Variants in MCF2L observed in about 807,000 individuals in gnomAD.
MCF2L encodes the protein guanine nucleotide exchange factor DBS.
MCF2L carries 97 observed loss-of-function variants against 153.4 expected under a neutral mutation model. The observed-to-expected ratio is 0.63, with a 90% CI of 0.54 to 0.75. MCF2L has a LOEUF of 0.75. Ranked by LOEUF, MCF2L falls within the 30% of genes least tolerant of loss-of-function variation. MCF2L has a pLI of 0.00. For synonymous variants in MCF2L, 659 were observed against 632.2 expected, an observed-to-expected ratio of 1.04 and a Z score of -0.64; for missense variants, 1,347 against 1,495.2, an observed-to-expected ratio of 0.90 and a Z score of 1.64.
chr13:113,065,096 G>C lies in MCF2L; in HGVS notation c.756+11G>C. On this transcript the variant is annotated intron_variant, in intron 7 of 29. Coordinates refer to ENST00000535094, the MANE Select transcript of MCF2L (RefSeq NM_001112732.3). The stretch of plus-strand genomic sequence containing the variant: ...AAGGACAAGGCGAAGGTACATGGGG[G>C]GTGCTCCGGCTGGAAGCTGTGGGGG... 6.2e-7 allele frequency: 1 copy of C among 1,607,366 alleles called. No homozygotes were observed. Among genetic ancestry groups the C allele is most frequent in the African/African-American group, 1.3e-5 (1 of 74,208 alleles).
At position 112,926,014 on chromosome 13, in the gene MCF2L, A is replaced by G. The variant is rs565473638; in HGVS notation, c.169+23643A>G. On this transcript the variant is annotated intron_variant, in intron 2 of 29. Transcript: ENST00000375608. ...TCCCTATAGAAAAAAAAATCTAGAG[A>G]TATCAACCAGTAGTTCACAGAAAAA... 3.9e-5 allele frequency among the ~76,000 whole-genome samples: 6 copies of G among 152,374 alleles called. No homozygotes were observed. In the South Asian group the frequency reaches 1.2e-3, roughly 32 times the overall value.
chr13:112,919,223 TGAGACGGAGTC>T (rs2081328258), intron 2 of MCF2L, among the ~76,000 whole-genome samples: 1 of 149,604 alleles, frequency 6.7e-6, no homozygotes, highest in African/African-American at 2.5e-5. Flanking sequence ...TTTTTTTTTT[TGAGACGGAGTC>T]TTGCTCTGTC....
intron 3 of MCF2L, among the ~76,000 whole-genome samples, chr13:113,034,545 C>G (rs2086012937): frequency 6.6e-6 from 1 of 151,898 alleles, no homozygotes; most frequent in South Asian, 2.1e-4. Context: ...TCACCCTCAC[C>G]CTCGCCCTGG....
At position 113,027,732 on chromosome 13, in the gene MCF2L, G is replaced by A. The variant is rs1048345918; in HGVS notation, c.278+2974G>A. On this transcript the variant is annotated intron_variant, in intron 3 of 29. Coordinates refer to ENST00000535094, the MANE Select transcript of MCF2L (RefSeq NM_001112732.3). The surrounding 1 kb of genome is among the most constrained non-coding windows in gnomAD (Gnocchi z 4.8). The stretch of plus-strand genomic sequence containing the variant: ...TTCCTCCCTGGTTCTCAGCCACACT[G>A]TGGCAGGAAGGCAGTTATTAAGCCC... Among the ~76,000 whole-genome samples, 5 of 152,232 alleles carry A rather than the reference G, an allele frequency of 3.3e-5. No homozygotes were observed. Among genetic ancestry groups the A allele is most frequent in the Non-Finnish European group, 7.3e-5 (5 of 68,050 alleles).
upstream of MCF2L, chr13:112,968,014 G>A (rs2081922698): frequency 9.9e-6 from 2 of 202,036 alleles, no homozygotes; most frequent in South Asian, 7.2e-5. Context: ...CATGTTATTG[G>A]CATGAGCTGT....
At position 113,096,230 on chromosome 13, in the gene MCF2L, G is replaced by A; in HGVS notation, c.3076-141G>A. 5 of 668,626 alleles carry A rather than the reference G, an allele frequency of 7.5e-6. No homozygotes were observed. In the East Asian group the frequency reaches 1.1e-4, roughly 15 times the overall value. 41.4% of individuals were successfully genotyped at this position (668,626 alleles called of 1,614,324 possible). On this transcript the variant is annotated intron_variant, in intron 27 of 29. Transcript: ENST00000535094. ...TGCGGCGTAGCCTCCTCCCAAGGCT[G>A]GAGCCCTTCCCCGGAGCTGGTCGTG...
rs373256141 is a variant in MCF2L at position 112,958,609 on chromosome 13, C to G, written c.170-56154C>G. On this transcript the variant is annotated intron_variant, in intron 2 of 29. Transcript: ENST00000375608. Reference sequence around the variant, plus strand: ...TCACCTTCCTCATTTCCCTGAAATGCATCATTCCTTCCTGGCCACCTGCCT... The same window carrying G: ...TCACCTTCCTCATTTCCCTGAAATGGATCATTCCTTCCTGGCCACCTGCCT... 5.9e-5 allele frequency among the ~76,000 whole-genome samples: 9 copies of G among 152,344 alleles called. 1 individual carries two copies. In the South Asian group the frequency reaches 1.9e-3, roughly 32 times the overall value.
At chr13:113,080,293 CCA>C (rs2033995695) in intron 15 of MCF2L, among the ~76,000 whole-genome samples, 33 of 152,058 alleles carry the variant, frequency 2.2e-4, no homozygotes, top group Admixed American at 2.2e-3. Context: ...AGAGGAGTGT[CCA>C]TACGGAGGAG....
chr13:112,995,096 C>T (rs2083069251), intron 1 of MCF2L, among the ~76,000 whole-genome samples: 1 of 152,236 alleles, frequency 6.6e-6, no homozygotes, highest in Non-Finnish European at 1.5e-5. Context: ...GTGTCTGCCC[C>T]TCCCGTGTTC....
At chr13:112,947,018 T>C (rs1160510538) in intron 2 of MCF2L, among the ~76,000 whole-genome samples, 7 of 152,172 alleles carry the variant, frequency 4.6e-5, no homozygotes, top group Non-Finnish European at 8.8e-5. Context: ...GTGGTGTGTT[T>C]GTGCTCCTAT....
chr13:112,967,197 G>A (rs1358028080), upstream of MCF2L, among the ~76,000 whole-genome samples: 1 of 145,570 alleles, frequency 6.9e-6, no homozygotes, highest in Non-Finnish European at 1.5e-5. Flanking sequence ...GGCGGTGGGG[G>A]ATGGGGAGTG....
chr13:112,927,486 A>G (rs1233901693), intron 2 of MCF2L, among the ~76,000 whole-genome samples: 1 of 152,146 alleles, frequency 6.6e-6, no homozygotes, highest in Non-Finnish European at 1.5e-5. Flanking sequence ...GGGTCTGGGG[A>G]AAAATGTTTC....
chr13:112,962,097 A>G (rs994641107), intron 2 of MCF2L, among the ~76,000 whole-genome samples: 6 of 21,814 alleles, frequency 2.8e-4, no homozygotes, highest in East Asian at 2.2e-3. Context: ...CCAGGCATGC[A>G]CACACACGCA....
At chr13:113,040,035 A>G (rs1028141555) in intron 3 of MCF2L, among the ~76,000 whole-genome samples, 18 of 152,246 alleles carry the variant, frequency 1.2e-4, no homozygotes, top group East Asian at 5.8e-4. Context: ...TTCATCATAT[A>G]TGTATACCAT....
intron 2 of MCF2L, among the ~76,000 whole-genome samples, chr13:112,934,818 T>A (rs1278633815): frequency 3.3e-5 from 5 of 152,050 alleles, no homozygotes; most frequent in Non-Finnish European, 5.9e-5. Context: ...ACACCCCACA[T>A]TACAAATAGG....
At chr13:112,933,704 C>T (rs985910765) in intron 2 of MCF2L, among the ~76,000 whole-genome samples, 6 of 152,218 alleles carry the variant, frequency 3.9e-5, no homozygotes, top group Non-Finnish European at 8.8e-5. Context: ...GAGGTGTGCC[C>T]GAGTCTTATT....
At chr13:112,913,456 T>C (rs1210629795) in intron 2 of MCF2L, among the ~76,000 whole-genome samples, 1 of 152,214 alleles carries the variant, frequency 6.6e-6, no homozygotes, top group Non-Finnish European at 1.5e-5. Context: ...TTCAAAGTTA[T>C]GTTTGATGCA....
At position 112,978,404 on chromosome 13, in the gene MCF2L, C is replaced by CT. The variant is rs2082286667; in HGVS notation, c.79+8947dup. Among the ~76,000 whole-genome samples the CT allele has an allele frequency of 2.0e-5, 3 of 152,326 alleles. No homozygotes were observed. In the South Asian group the frequency reaches 6.2e-4, roughly 32 times the overall value. ...CAGGAGGGGGATGGTATGTGGAGCT[C>CT]TGTCTTTCCTGGCAGAAGCTGGCTC... On this transcript the variant is annotated intron_variant, in intron 1 of 29. Transcript: ENST00000535094.
Position 112,941,020 on chromosome 13 carries a change from A to T in MCF2L, c.169+38649A>T, listed in dbSNP as rs1053307885. 6.6e-6 allele frequency among the ~76,000 whole-genome samples: 1 copy of T among 152,182 alleles called. No homozygotes were observed. Among genetic ancestry groups the T allele is most frequent in the African/African-American group, 2.4e-5 (1 of 41,446 alleles). On this transcript the variant is annotated intron_variant, in intron 2 of 29. Transcript: ENST00000375608. This position sits in a 1 kb window ranked among gnomAD's most constrained non-coding sequence, Gnocchi z 4.9. ...AGCCCAGAGTGAGTGAATCAGACAC[A>T]TGGGCTCTGGATGTGAAATCCACCT...
Sources: allele counts gnomAD v4.1 joint callset (sites outside exome capture counted in the v4.1 genomes callset), GRCh38; gene constraint gnomAD v4.1.1; non-coding constraint Gnocchi (gnomAD v3.1); transcripts MANE v1.5; gene names NCBI Gene and HGNC (gene_info 2026-07-23, HGNC 2026-07-21).